EPS8: variants seen among roughly 807,000 people sequenced by gnomAD.
EPS8 encodes epidermal growth factor receptor kinase substrate 8.
In EPS8, 42 loss-of-function variants were observed where a neutral mutation model predicts 103.8. The ratio of observed to expected loss-of-function variants is 0.40; its 90% CI spans 0.32 to 0.52. EPS8 has a LOEUF of 0.52. EPS8 is among the 20% of genes least tolerant of loss of function. EPS8 has a pLI of 0.40. For missense variants in EPS8, 969 were observed against 1,005.1 expected, an observed-to-expected ratio of 0.96 and a Z score of 0.49; for synonymous variants, 344 against 344.6, an observed-to-expected ratio of 1.00 and a Z score of 0.02.
intron 7 of EPS8, 57 bp downstream of exon 7, chr12:15,666,383 G>GA: frequency 3.7e-6 from 5 of 1,333,872 alleles, no homozygotes; most frequent in Non-Finnish European, 5.4e-6. Flanking sequence ...ACTCTTTGGG[G>GA]AAAAAAGCCT....
At chr12:15,766,679 C>CAA (rs769965889) in intron 1 of EPS8, among the ~76,000 whole-genome samples, 4 of 85,700 alleles carry the variant, frequency 4.7e-5, no homozygotes, top group Non-Finnish European at 9.9e-5. Context: ...ACTCTGTCTC[C>CAA]AAAAAAAAAA....
At chr12:15,638,851 C>T (rs541501610) in intron 17 of EPS8, among the ~76,000 whole-genome samples, 35 of 152,108 alleles carry the variant, frequency 2.3e-4, no homozygotes, top group Admixed American at 2.3e-3. Context: ...ACAGAAGCAA[C>T]CTTTTAAACA....
At chr12:15,754,251 T>A (rs141284160) in intron 1 of EPS8, among the ~76,000 whole-genome samples, 1,860 of 147,122 alleles carry the variant, frequency 0.013, 36 homozygotes, top group African/African-American at 0.038. Context: ...AAAAAAAGAG[T>A]TTAAATGACT....
intron 17 of EPS8, among the ~76,000 whole-genome samples, chr12:15,632,876 A>C (rs1311826885): frequency 6.6e-6 from 1 of 152,158 alleles, no homozygotes; most frequent in South Asian, 2.1e-4. Flanking sequence ...CGGTGTGGGA[A>C]GGAGCCCTCA....
At position 15,735,737 on chromosome 12, in the gene EPS8, A is replaced by T. The variant is rs1035661674; in HGVS notation, c.-21-52765T>A. Among the ~76,000 whole-genome samples the T allele has an allele frequency of 2.0e-5, 3 of 152,214 alleles. No homozygotes were observed. The highest frequency in any genetic ancestry group is 7.2e-5 in the African/African-American group (3 of 41,438). On this transcript the variant is annotated intron_variant, in intron 1 of 20. Coordinates refer to ENST00000281172, the MANE Select transcript of EPS8 (RefSeq NM_004447.6). This position sits in a 1 kb window ranked among gnomAD's most constrained non-coding sequence, Gnocchi z 4.4. The stretch of plus-strand genomic sequence containing the variant: ...GACCTTTTAAAAGTGCATGTTATTA[A>T]ATGTAACCTATATCTGTGTAACTTA...
Position 15,761,849 on chromosome 12 carries a change from G to A in EPS8, c.-22+27312C>T, listed in dbSNP as rs905149303. Among the ~76,000 whole-genome samples, 2 of 152,018 alleles carry A rather than the reference G, an allele frequency of 1.3e-5. No individual in the cohort carries two copies. Among genetic ancestry groups the A allele is most frequent in the Non-Finnish European group, 2.9e-5 (2 of 67,980 alleles). On this transcript the variant is annotated intron_variant, in intron 1 of 20. Coordinates refer to ENST00000281172, the MANE Select transcript of EPS8 (RefSeq NM_004447.6). This position sits in a 1 kb window ranked among gnomAD's most constrained non-coding sequence, Gnocchi z 4.5. ...TGAAACTACTACAAGAAAACATTGG[G>A]GAAACTCTCCAGGACACTGAACTAG...
intron 6 of EPS8, among the ~76,000 whole-genome samples, chr12:15,667,453 C>A (rs1945735273): frequency 6.6e-6 from 1 of 151,942 alleles, no homozygotes. Flanking sequence ...CATTTAGTTT[C>A]AATAAGACAT....
chr12:15,630,411 T>TA (rs1486666299), intron 18 of EPS8, among the ~76,000 whole-genome samples: 1 of 152,168 alleles, frequency 6.6e-6, no homozygotes, highest in Non-Finnish European at 1.5e-5. Flanking sequence ...AAACAAAATT[T>TA]ATCTTAAAAC....
At chr12:15,673,595 A>G (rs1008616724) in intron 3 of EPS8, among the ~76,000 whole-genome samples, 1 of 152,192 alleles carries the variant, frequency 6.6e-6, no homozygotes, top group African/African-American at 2.4e-5. Flanking sequence ...TTTTGCTAAC[A>G]GTGGTTCTCA....
At chr12:15,705,462 C>A (rs986039960) in intron 1 of EPS8, among the ~76,000 whole-genome samples, 9 of 151,938 alleles carry the variant, frequency 5.9e-5, no homozygotes, top group African/African-American at 1.9e-4. Context: ...CAAAATAACA[C>A]CCACTAGTAC....
In EPS8 at chr12:15,714,876, T is replaced by C. The variant is rs1352436749; in HGVS notation, c.-21-31904A>G. Among the ~76,000 whole-genome samples the C allele has an allele frequency of 1.3e-5, 2 of 152,190 alleles. No individual in the cohort carries two copies. Among genetic ancestry groups the C allele is most frequent in the Non-Finnish European group, 2.9e-5 (2 of 68,034 alleles). Reference sequence around the variant, plus strand: ...GAAGTCAATTGCCTGGCAGAACCTATTCTACATCCACTTTTGTTCTCTACC... The same window carrying C: ...GAAGTCAATTGCCTGGCAGAACCTACTCTACATCCACTTTTGTTCTCTACC... On this transcript the variant is annotated intron_variant, in intron 1 of 20. Coordinates refer to ENST00000281172, the MANE Select transcript of EPS8 (RefSeq NM_004447.6). The surrounding 1 kb of genome is among the most constrained non-coding windows in gnomAD (Gnocchi z 4.1).
chr12:15,629,642 A>G (rs912786068), intron 18 of EPS8, among the ~76,000 whole-genome samples: 3 of 152,218 alleles, frequency 2.0e-5, no homozygotes, highest in Non-Finnish European at 4.4e-5. Context: ...GTACAGAAAG[A>G]GCTAATCACT....
At chr12:15,758,555 T>C (rs1378578263) in intron 1 of EPS8, among the ~76,000 whole-genome samples, 2 of 152,202 alleles carry the variant, frequency 1.3e-5, no homozygotes, top group Non-Finnish European at 2.9e-5. Flanking sequence ...ATTTCACATG[T>C]GGCTAGTGGC....
Position 15,624,273 on chromosome 12 carries a change from G to A in EPS8, c.2179C>T (p.Pro727Ser), listed in dbSNP as rs1944908021. 1 of 1,613,608 alleles carries A rather than the reference G, an allele frequency of 6.2e-7. No individual in the cohort carries two copies. The change falls in exon 19 of 21, where the codon CCA (proline) becomes TCA (serine). Residue 727 changes from proline to serine, a missense_variant. Pro to Ser is a moderately conservative substitution (Grantham distance 74). Coordinates refer to ENST00000281172, the MANE Select transcript of EPS8 (RefSeq NM_004447.6). ...PVINITYDST[P>S]EDVKTWLQSK... ...TGTAACCACGTCTTCACATCCTCTG[G>A]TGTGGAGTCGTAAGTGATATTGATA...
rs1184221569 is a variant in EPS8 at position 15,735,423 on chromosome 12, A to T, written c.-21-52451T>A. ...GAGGAAAGAGATCATGAAGGATCAA[A>T]TATTGTCTTATGGCGCATCCCACGT... On this transcript the variant is annotated intron_variant, in intron 1 of 20. Transcript: ENST00000281172. This position sits in a 1 kb window ranked among gnomAD's most constrained non-coding sequence, Gnocchi z 4.4. Among the ~76,000 whole-genome samples the T allele has an allele frequency of 6.6e-6, 1 of 152,186 alleles. No individual in the cohort carries two copies. The highest frequency in any genetic ancestry group is 1.5e-5 in the Non-Finnish European group (1 of 68,038).
chr12:15,751,845 C>T lies in EPS8; in HGVS notation c.-22+37316G>A, dbSNP rs1224195829. ...TAACTAGACTTCTGATGAAGTCTCC[C>T]TTACATGATAAAATACACTGAGACT... On this transcript the variant is annotated intron_variant, in intron 1 of 20. Coordinates refer to ENST00000281172, the MANE Select transcript of EPS8 (RefSeq NM_004447.6). This position sits in a 1 kb window ranked among gnomAD's most constrained non-coding sequence, Gnocchi z 4.3. Among the ~76,000 whole-genome samples the T allele has an allele frequency of 6.6e-6, 1 of 151,964 alleles. No individual in the cohort carries two copies. The highest frequency in any genetic ancestry group is 2.4e-5 in the African/African-American group (1 of 41,364).
At position 15,669,682 on chromosome 12, in the gene EPS8, C is replaced by T. The variant is rs1565490821; in HGVS notation, c.348G>A (p.Leu116=). ...ILQVDDRAVS[L]IDLESKNELE... ...CACTTGCCTTTGATTCTAAATCAATCAGGCTCACAGCTCTGTCATCCACTT... is the reference window on the plus strand; with the variant it reads ...CACTTGCCTTTGATTCTAAATCAATTAGGCTCACAGCTCTGTCATCCACTT... Residue 116 remains leucine, a synonymous_variant, in exon 5 of 21, where the codon CTG becomes CTA. Transcript: ENST00000281172. The T allele has an allele frequency of 6.2e-7, 1 of 1,601,796 alleles. No homozygotes were observed. Among genetic ancestry groups the T allele is most frequent in the Non-Finnish European group, 8.5e-7 (1 of 1,175,654 alleles).
At chr12:15,653,412 A>G (rs1945449498) in intron 13 of EPS8, among the ~76,000 whole-genome samples, 1 of 152,046 alleles carries the variant, frequency 6.6e-6, no homozygotes, top group Non-Finnish European at 1.5e-5. Context: ...GCTCATCTCT[A>G]TATGCTCATT....
chr12:15,623,322 T>TAAA (rs772717519), intron 19 of EPS8, 35 bp from the exon 20 acceptor site: 1 of 1,560,406 alleles, frequency 6.4e-7, no homozygotes, highest in Admixed American at 2.0e-5. Flanking sequence ...AACTGAGCAT[T>TAAA]AAAAATATTG....
Sources: allele counts gnomAD v4.1 joint callset (sites outside exome capture counted in the v4.1 genomes callset), GRCh38; gene constraint gnomAD v4.1.1; non-coding constraint Gnocchi (gnomAD v3.1); transcripts MANE v1.5; gene names NCBI Gene and HGNC (gene_info 2026-07-23, HGNC 2026-07-21).